The following CPLANE1 variants were observed in gnomAD, a reference collection of about 807,000 sequenced individuals.
CPLANE1 encodes ciliogenesis and planar polarity effector complex subunit 1.
In CPLANE1, 263 loss-of-function variants were observed where a neutral mutation model predicts 362.5. The ratio of observed to expected loss-of-function variants is 0.73; its 90% CI spans 0.66 to 0.80. The LOEUF (loss-of-function observed/expected upper bound fraction) is 0.80, where lower values mean the gene tolerates loss of function less well. Ranked by LOEUF, CPLANE1 falls within the 30% of genes least tolerant of loss-of-function variation. The pLI is 0.00. For synonymous variants in CPLANE1, 1,212 were observed against 1,302.6 expected, an observed-to-expected ratio of 0.93 and a Z score of 1.50; for missense variants, 3,461 against 3,793.4, an observed-to-expected ratio of 0.91 and a Z score of 2.30.
In CPLANE1 at chr5:37,249,334, G is replaced by T. The variant is rs1210101201; in HGVS notation, c.-137C>A. The T allele has an allele frequency of 1.3e-5, 2 of 152,310 alleles. No individual in the cohort carries two copies. The highest frequency in any genetic ancestry group is 6.5e-5 in the Admixed American group (1 of 15,288). 9.4% of individuals were successfully genotyped at this position (152,310 alleles called of 1,614,324 possible). On this transcript the variant is annotated 5_prime_UTR_variant, in exon 1 of 53. Coordinates refer to ENST00000651892, the MANE Select transcript of CPLANE1 (RefSeq NM_001384732.1). Reference sequence around the variant, plus strand: ...GTGAAGACGCCAGGCCGACAGCTGCGGGCCCTACCGCCAGCCCTGACGCGA... The same window carrying T: ...GTGAAGACGCCAGGCCGACAGCTGCTGGCCCTACCGCCAGCCCTGACGCGA...
rs2151367023 is a variant in CPLANE1, at chr5:37,195,851, G to T, written c.3811+7C>A. 1 of 1,601,700 alleles carries T rather than the reference G, an allele frequency of 6.2e-7. No homozygotes were observed. The highest frequency in any genetic ancestry group is 1.1e-5 in the South Asian group (1 of 88,080). Reference sequence around the variant, plus strand: ...TACTCTAAGCAAGCAGTTCATTTTGGACAAACCTATTGCTCTAATGGAAAC... The same window carrying T: ...TACTCTAAGCAAGCAGTTCATTTTGTACAAACCTATTGCTCTAATGGAAAC... On this transcript the variant is annotated splice_region_variant and intron_variant, in intron 21 of 52. Coordinates refer to ENST00000651892, the MANE Select transcript of CPLANE1 (RefSeq NM_001384732.1).
Position 37,140,207 on chromosome 5 carries a change from A to C in CPLANE1, c.8633-837T>G, listed in dbSNP as rs1208636227. 3.4e-6 allele frequency: 3 copies of C among 880,936 alleles called. No homozygotes were observed. In the East Asian group the frequency reaches 3.6e-4, roughly 107 times the overall value. The allele number at this position is 880,936 out of a possible 1,614,324, so 54.6% of individuals were successfully genotyped here. ...TTAATTCTAAAAACAGGATTGAATT[A>C]ATATAGGGAAAAGTGTTCTGACATC... On this transcript the variant is annotated intron_variant, in intron 44 of 52. Transcript: ENST00000651892.
At chr5:37,139,475 TA>T in intron 44 of CPLANE1, 105 bp from the exon 45 acceptor site, 1 of 1,080,070 alleles carries the variant, frequency 9.3e-7, no homozygotes. Flanking sequence ...AAAATACTTT[TA>T]AACTTCCAAA....
intron 42 of CPLANE1, among the ~76,000 whole-genome samples, chr5:37,150,124 A>T (rs979176292): frequency 1.3e-5 from 2 of 152,116 alleles, no homozygotes; most frequent in Middle Eastern, 3.2e-3. Context: ...TACTCTGAAA[A>T]AGCATCTGAG....
At chr5:37,103,836 T>C (rs1207891753), downstream of CPLANE1, among the ~76,000 whole-genome samples, 4 of 152,092 alleles carry the variant, frequency 2.6e-5, no homozygotes, top group African/African-American at 9.7e-5. Context: ...GTGATGATGG[T>C]GTGTTTTGGG....
At position 37,180,951 on chromosome 5, in the gene CPLANE1, T is replaced by G. The variant is rs1457541096; in HGVS notation, c.5476A>C (p.Ser1826Arg). ...CQIGPNIERESKSDAGGSVAV... is the reference protein window; with the variant it reads ...CQIGPNIERERKSDAGGSVAV... ...ACTGAACCGCCAGCATCTGATTTGCTCTCCCTCTCAATATTGGGTCCAATC... is the reference window on the plus strand; with the variant it reads ...ACTGAACCGCCAGCATCTGATTTGCGCTCCCTCTCAATATTGGGTCCAATC... Residue 1826 changes from serine to arginine, a missense_variant, in exon 27 of 53, where the codon AGC (serine) becomes CGC (arginine). Coordinates refer to ENST00000651892, the MANE Select transcript of CPLANE1 (RefSeq NM_001384732.1). The G allele has an allele frequency of 6.2e-7, 1 of 1,613,916 alleles. No individual in the cohort carries two copies. The highest frequency in any genetic ancestry group is 1.3e-5 in the African/African-American group (1 of 74,922).
the CPLANE1 span, among the ~76,000 whole-genome samples, chr5:37,086,112 T>A: frequency 6.6e-5 from 10 of 152,124 alleles, no homozygotes; most frequent in African/African-American, 2.2e-4. Context: ...GTGGGGGACT[T>A]CAATACTCCA....
At chr5:37,152,303 A>T (rs927814558) in intron 42 of CPLANE1, among the ~76,000 whole-genome samples, 4 of 152,108 alleles carry the variant, frequency 2.6e-5, no homozygotes, top group African/African-American at 9.7e-5. Context: ...CAGCCTCCCA[A>T]GTAGCTAGGA....
chr5:37,078,807 C>G, the CPLANE1 span, among the ~76,000 whole-genome samples: 1 of 151,572 alleles, frequency 6.6e-6, no homozygotes, highest in African/African-American at 2.4e-5. Flanking sequence ...CTCTAATGAT[C>G]AGTGATGTTG....
intron 16 of CPLANE1, chr5:37,210,645 A>T: frequency 6.3e-7 from 1 of 1,596,624 alleles, no homozygotes; most frequent in Non-Finnish European, 8.6e-7. Context: ...CCATATGCTG[A>T]ATGAAAAGGT....
chr5:37,230,106 AG>A (rs1358714142), intron 9 of CPLANE1, among the ~76,000 whole-genome samples: 6 of 151,162 alleles, frequency 4.0e-5, no homozygotes, highest in Admixed American at 6.6e-5. Context: ...AACCCGGGAG[AG>A]GGGGTTGCAG....
intron 43 of CPLANE1, among the ~76,000 whole-genome samples, chr5:37,146,868 T>C (rs544900952): frequency 6.6e-6 from 1 of 151,900 alleles, no homozygotes; most frequent in South Asian, 2.1e-4. Context: ...AACACAGGGG[T>C]AGTAATGTTC....
rs1341325668 is a variant in CPLANE1 at position 37,107,787 on chromosome 5, T to G, written c.9580-9A>C. The stretch of plus-strand genomic sequence containing the variant: ...TCAGTTGGAGACAAGTCCTATTAAA[T>G]TGAAAAGACAATTGTGGTCCTAGCC... On this transcript the variant is annotated splice_polypyrimidine_tract_variant and intron_variant, in intron 52 of 52. Transcript: ENST00000651892. 6.3e-7 allele frequency: 1 copy of G among 1,588,900 alleles called. No homozygotes were observed. Among genetic ancestry groups the G allele is most frequent in the African/African-American group, 1.3e-5 (1 of 74,128 alleles).
rs373606578 is a variant in CPLANE1 at position 37,153,999 on chromosome 5, T to C, written c.8120-6A>G. ...GAACTCTGGTTTTGGCAGACCTAAA[T>C]ATTAATAAGAATAAAAGCAGAATTG... On this transcript the variant is annotated splice_region_variant and splice_polypyrimidine_tract_variant and intron_variant, in intron 41 of 52. Coordinates refer to ENST00000651892, the MANE Select transcript of CPLANE1 (RefSeq NM_001384732.1). 192 of 1,593,494 alleles carry C rather than the reference T, an allele frequency of 1.2e-4. No individual in the cohort carries two copies. Among genetic ancestry groups the C allele is most frequent in the Non-Finnish European group, 1.6e-4 (182 of 1,168,540 alleles).
intron 6 of CPLANE1, among the ~76,000 whole-genome samples, chr5:37,242,791 C>A (rs1800849120): frequency 6.7e-6 from 1 of 148,158 alleles, no homozygotes; most frequent in African/African-American, 2.4e-5. Context: ...CTTTGGGAGG[C>A]CAAGGCAGGA....
chr5:37,160,566 C>CA (rs777302133), intron 38 of CPLANE1, among the ~76,000 whole-genome samples: 2,016 of 98,010 alleles, frequency 0.021, 16 homozygotes, highest in Admixed American at 0.029. Context: ...GACTCCATCT[C>CA]AAAAAAAAAA....
chr5:37,226,088 T>C (rs1010122114), intron 12 of CPLANE1, among the ~76,000 whole-genome samples: 4 of 152,138 alleles, frequency 2.6e-5, no homozygotes, highest in Non-Finnish European at 5.9e-5. Flanking sequence ...AAATCTATAA[T>C]GCTGAGTGCT....
At chr5:37,172,214 G>A (rs1779998781) in intron 32 of CPLANE1, among the ~76,000 whole-genome samples, 1 of 152,048 alleles carries the variant, frequency 6.6e-6, no homozygotes, top group African/African-American at 2.4e-5. Context: ...TTTTTAAACA[G>A]GTGACTAATA....
intron 46 of CPLANE1, among the ~76,000 whole-genome samples, chr5:37,133,829 A>C (rs1213959688): frequency 6.6e-6 from 1 of 152,168 alleles, no homozygotes; most frequent in Non-Finnish European, 1.5e-5. Flanking sequence ...AAGTGGTAAG[A>C]TTAAGCATTC....
Sources: gnomAD v4.1 joint callset for allele counts (sites outside exome capture counted in the v4.1 genomes callset) on GRCh38, gnomAD v4.1.1 for gene constraint, MANE v1.5 for transcripts, NCBI Gene and HGNC (gene_info 2026-07-23, HGNC 2026-07-21) for gene names.